JAML: variants seen among roughly 807,000 people sequenced by gnomAD.
The protein encoded by JAML is junctional adhesion molecule-like.
A neutral mutation model predicts 39.3 loss-of-function variants in JAML; 25 were observed. The ratio of observed to expected loss-of-function variants is 0.64; its 90% CI spans 0.46 to 0.89. JAML has a LOEUF of 0.89. Ranked by LOEUF, JAML falls within the 40% of genes least tolerant of loss-of-function variation. The probability of loss-of-function intolerance (pLI) is 0.00; values close to 1 mark genes in which losing one functional copy is unlikely to be tolerated. For missense variants in JAML, 440 were observed against 486.9 expected, an observed-to-expected ratio of 0.90 and a Z score of 0.91; for synonymous variants, 162 against 179.2, an observed-to-expected ratio of 0.90 and a Z score of 0.77.
At chr11:118,200,182 G>T (rs1406749721) in intron 7 of JAML, among the ~76,000 whole-genome samples, 1 of 152,162 alleles carries the variant, frequency 6.6e-6, no homozygotes, top group African/African-American at 2.4e-5. Flanking sequence ...TACCATGATA[G>T]TTCTTGTGTA....
intron 3 of JAML, among the ~76,000 whole-genome samples, chr11:118,211,148 C>T (rs938664758): frequency 2.0e-5 from 3 of 152,236 alleles, no homozygotes; most frequent in African/African-American, 7.2e-5. Flanking sequence ...CTGGCTGCCA[C>T]TTTTCTCATT....
chr11:118,195,037 C>A (rs1469461495), intron 9 of JAML, among the ~76,000 whole-genome samples: 1 of 152,156 alleles, frequency 6.6e-6, no homozygotes, highest in Non-Finnish European at 1.5e-5. Flanking sequence ...AATCGCCTAG[C>A]ATTAAACCTG....
At chr11:118,201,322 A>G (rs1411852129) in intron 6 of JAML, 1 of 152,274 alleles carries the variant, frequency 6.6e-6, no homozygotes, top group African/African-American at 2.4e-5. Flanking sequence ...AGTTTAACCT[A>G]AGACTTACAG....
chr11:118,223,094 CAAAAA>C (rs56175225), intron 1 of JAML, among the ~76,000 whole-genome samples: 4 of 93,192 alleles, frequency 4.3e-5, no homozygotes, highest in Non-Finnish European at 8.3e-5. Flanking sequence ...GACTCTGTCT[CAAAAA>C]AAAAAAAAAA....
At chr11:118,216,873 C>T (rs1477106509) in intron 1 of JAML, among the ~76,000 whole-genome samples, 7 of 152,074 alleles carry the variant, frequency 4.6e-5, no homozygotes. Context: ...TAAGCAAAAC[C>T]CCATTCCTGC....
In JAML at chr11:118,194,279, G is replaced by T. The variant is rs1301920772; in HGVS notation, c.*46C>A. 1.3e-6 allele frequency: 2 copies of T among 1,519,112 alleles called. No homozygotes were observed. The highest frequency in any genetic ancestry group is 1.8e-6 in the Non-Finnish European group (2 of 1,093,858). 94.1% of individuals were successfully genotyped at this position (1,519,112 alleles called of 1,614,324 possible). Reference sequence around the variant, plus strand: ...GTAGAGTGGCCCAGGACACACACAGGAGAGAGTCTCCACCGCTGCTGAGAT... The same window carrying T: ...GTAGAGTGGCCCAGGACACACACAGTAGAGAGTCTCCACCGCTGCTGAGAT... On this transcript the variant is annotated 3_prime_UTR_variant, in exon 10 of 10. Coordinates refer to ENST00000356289, the MANE Select transcript of JAML (RefSeq NM_001098526.2).
chr11:118,221,208 A>T (rs1054327227), intron 1 of JAML, among the ~76,000 whole-genome samples: 2 of 151,818 alleles, frequency 1.3e-5, no homozygotes, highest in African/African-American at 4.8e-5. Flanking sequence ...TAATAATTAC[A>T]TGGCTAGTCC....
intron 1 of JAML, among the ~76,000 whole-genome samples, chr11:118,220,596 GC>G (rs1341616095): frequency 1.3e-5 from 2 of 152,164 alleles, no homozygotes; most frequent in African/African-American, 4.8e-5. Context: ...CCTCAACTTG[GC>G]CTCCTCGATC....
chr11:118,211,871 A>G (rs975106972), intron 3 of JAML, among the ~76,000 whole-genome samples: 1 of 152,162 alleles, frequency 6.6e-6, no homozygotes, highest in Non-Finnish European at 1.5e-5. Context: ...GCAGCCACAA[A>G]GGAGAAAATG....
At chr11:118,217,391 G>T (rs1949158064) in intron 1 of JAML, among the ~76,000 whole-genome samples, 3 of 152,184 alleles carry the variant, frequency 2.0e-5, no homozygotes, top group Non-Finnish European at 4.4e-5. Flanking sequence ...TCAAACAAAT[G>T]CTAAGAAACA....
chr11:118,214,803 A>C (rs751423092), intron 2 of JAML, 21 bp downstream of exon 2: 6 of 1,612,384 alleles, frequency 3.7e-6, no homozygotes, highest in Non-Finnish European at 5.1e-6. Flanking sequence ...TACCCCACGG[A>C]GTCCCTTAGC....
rs1012820719 is a variant in JAML, at chr11:118,222,956, G to C, written c.-21+1985C>G. On this transcript the variant is annotated intron_variant, in intron 1 of 9. Coordinates refer to ENST00000356289, the MANE Select transcript of JAML (RefSeq NM_001098526.2). The surrounding 1 kb of genome is among the most constrained non-coding windows in gnomAD (Gnocchi z 4.2). Reference sequence around the variant, plus strand: ...CTAAAAATACAAAAATTAATCAGGTGTGGTGGTGAGCGCCTGTAATCCCAG... The same window carrying C: ...CTAAAAATACAAAAATTAATCAGGTCTGGTGGTGAGCGCCTGTAATCCCAG... Among the ~76,000 whole-genome samples the C allele has an allele frequency of 6.6e-6, 1 of 152,018 alleles. No homozygotes were observed. The highest frequency in any genetic ancestry group is 2.4e-5 in the African/African-American group (1 of 41,396).
intron 6 of JAML, chr11:118,203,074 C>T (rs1438483448): frequency 2.1e-6 from 1 of 479,922 alleles, no homozygotes; most frequent in Non-Finnish European, 4.1e-6. Context: ...CCCTTGAAAC[C>T]AAGTATGCTG....
intron 5 of JAML, chr11:118,205,347 T>A (rs1948894155): frequency 6.5e-6 from 1 of 153,232 alleles, no homozygotes; most frequent in Non-Finnish European, 1.5e-5. Flanking sequence ...CTTCCTGCTT[T>A]ATAGAGTTCC....
At chr11:118,206,097 T>C in intron 4 of JAML, 106 bp from the exon 5 acceptor site, 2 of 932,270 alleles carry the variant, frequency 2.1e-6, no homozygotes, top group South Asian at 2.7e-5. Context: ...GCAGCAAAAA[T>C]CGCTGTCACC....
chr11:118,196,965 C>T, intron 8 of JAML, 144 bp from the exon 9 acceptor site: 2 of 630,100 alleles, frequency 3.2e-6, no homozygotes, highest in Non-Finnish European at 2.8e-6. Flanking sequence ...GAATTCTCAA[C>T]AATGATAATT....
chr11:118,211,055 C>T (rs572170940), intron 3 of JAML, among the ~76,000 whole-genome samples: 9 of 152,308 alleles, frequency 5.9e-5, no homozygotes, highest in East Asian at 5.8e-4. Flanking sequence ...GCCACAGCCC[C>T]GGATTAGATG....
intron 3 of JAML, among the ~76,000 whole-genome samples, chr11:118,211,207 C>A (rs549413755): frequency 1.3e-5 from 2 of 152,292 alleles, no homozygotes; most frequent in African/African-American, 4.8e-5. Context: ...GAGTCATCCA[C>A]AGGGAATGGT....
At chr11:118,197,851 A>T in intron 8 of JAML, 147 bp downstream of exon 8, 1 of 707,946 alleles carries the variant, frequency 1.4e-6, no homozygotes, top group Non-Finnish European at 2.4e-6. Context: ...CTCTTACTTT[A>T]GTGACAAAGG....
Sources: allele counts gnomAD v4.1 joint callset (sites outside exome capture counted in the v4.1 genomes callset), GRCh38; gene constraint gnomAD v4.1.1; non-coding constraint Gnocchi (gnomAD v3.1); transcripts MANE v1.5; gene names NCBI Gene and HGNC (gene_info 2026-07-23, HGNC 2026-07-21).